PCDH9: variants seen among roughly 807,000 people sequenced by gnomAD.
The protein encoded by PCDH9 is protocadherin-9.
PCDH9 carries 24 observed loss-of-function variants against 70.6 expected under a neutral mutation model. That is an observed-to-expected ratio of 0.34 (90% CI 0.25 to 0.48). The LOEUF is 0.48. Ranked by LOEUF, PCDH9 falls within the 20% of genes least tolerant of loss-of-function variation. The pLI, the probability that PCDH9 is intolerant of heterozygous loss-of-function variation, is 0.99. For missense variants in PCDH9, 1,281 were observed against 1,503.6 expected, an observed-to-expected ratio of 0.85 and a Z score of 2.45; for synonymous variants, 562 against 558.5, an observed-to-expected ratio of 1.01 and a Z score of -0.09.
chr13:66,680,280 T>G (rs2078300512), intron 3 of PCDH9, among the ~76,000 whole-genome samples: 1 of 152,028 alleles, frequency 6.6e-6, no homozygotes, highest in African/African-American at 2.4e-5. Flanking sequence ...TTGTAATTAA[T>G]GACCATTCTA....
chr13:67,074,708 A>G (rs928391544), intron 2 of PCDH9, among the ~76,000 whole-genome samples: 1 of 152,266 alleles, frequency 6.6e-6, no homozygotes, highest in Admixed American at 6.5e-5. Flanking sequence ...AAAAATAAGA[A>G]AAAACTTTGG....
At chr13:66,599,373 A>G (rs944446671) in intron 4 of PCDH9, among the ~76,000 whole-genome samples, 2 of 151,858 alleles carry the variant, frequency 1.3e-5, no homozygotes, top group African/African-American at 4.8e-5. Flanking sequence ...TAAAATCCCT[A>G]AAGATTTAGG....
intron 4 of PCDH9, among the ~76,000 whole-genome samples, chr13:66,310,292 G>A (rs1035010896): frequency 6.6e-6 from 1 of 151,864 alleles, no homozygotes; most frequent in Non-Finnish European, 1.5e-5. Context: ...TCATCTTCTC[G>A]TTAAACACCA....
intron 2 of PCDH9, among the ~76,000 whole-genome samples, chr13:67,140,185 C>T (rs994540147): frequency 6.6e-6 from 1 of 152,044 alleles, no homozygotes; most frequent in Non-Finnish European, 1.5e-5. Flanking sequence ...ACTAAATGTA[C>T]CTCCTGGGGT....
intron 4 of PCDH9, among the ~76,000 whole-genome samples, chr13:66,594,600 C>T (rs1315722776): frequency 6.6e-6 from 1 of 151,348 alleles, no homozygotes; most frequent in Non-Finnish European, 1.5e-5. Flanking sequence ...CTACACCTGT[C>T]AACCCATCAC....
At chr13:66,450,614 G>A (rs1187370615) in intron 4 of PCDH9, among the ~76,000 whole-genome samples, 1 of 152,202 alleles carries the variant, frequency 6.6e-6, no homozygotes, top group Non-Finnish European at 1.5e-5. Context: ...GTGACCAATG[G>A]CGTTTTCAAG....
chr13:66,888,965 C>T (rs1427866141), intron 3 of PCDH9, among the ~76,000 whole-genome samples: 4 of 152,264 alleles, frequency 2.6e-5, no homozygotes, highest in African/African-American at 7.2e-5. Flanking sequence ...GTGAGATTCA[C>T]AAGCTCAATT....
At chr13:66,721,741 T>C (rs1004707708) in intron 3 of PCDH9, among the ~76,000 whole-genome samples, 5 of 152,186 alleles carry the variant, frequency 3.3e-5, no homozygotes, top group Admixed American at 3.3e-4. Flanking sequence ...AGGCCTCTCA[T>C]AGCCAATATC....
intron 2 of PCDH9, among the ~76,000 whole-genome samples, chr13:67,152,680 C>T (rs2087692942): frequency 6.6e-6 from 1 of 152,026 alleles, no homozygotes; most frequent in African/African-American, 2.4e-5. Flanking sequence ...ACAAAATAGC[C>T]CCCACTTTTT....
intron 2 of PCDH9, among the ~76,000 whole-genome samples, chr13:66,969,143 T>G (rs1034752123): frequency 3.3e-5 from 5 of 152,066 alleles, no homozygotes; most frequent in Non-Finnish European, 7.4e-5. Context: ...AAAATGAATT[T>G]TATTCGGTAC....
At chr13:66,562,105 C>T (rs923769012) in intron 4 of PCDH9, among the ~76,000 whole-genome samples, 41 of 152,090 alleles carry the variant, frequency 2.7e-4, no homozygotes, top group African/African-American at 8.2e-4. Context: ...TAACACTCAC[C>T]GCAAGGGTCC....
intron 4 of PCDH9, among the ~76,000 whole-genome samples, chr13:66,550,086 T>C (rs1002419100): frequency 6.6e-6 from 1 of 152,116 alleles, no homozygotes; most frequent in Admixed American, 6.6e-5. Context: ...CATTTTTCAG[T>C]GAAGAGCACA....
At position 67,213,206 on chromosome 13, in the gene PCDH9, C is replaced by CAAAAAAAAAAAAAAAAAA. The variant is rs34813503; in HGVS notation, c.3036+12181_3036+12198dup. The CAAAAAAAAAAAAAAAAAA allele has an allele frequency of 2.4e-3, 49 of 20,552 alleles. 11 individuals carry two copies. The highest frequency in any genetic ancestry group is 3.1e-3 in the African/African-American group (18 of 5,888). 1.3% of individuals were successfully genotyped at this position (20,552 alleles called of 1,614,324 possible). On this transcript the variant is annotated intron_variant, in intron 2 of 4. Coordinates refer to ENST00000377865, the MANE Select transcript of PCDH9 (RefSeq NM_203487.3). ...AGCCTGGACGACAGAGACTCCGTCA[C>CAAAAAAAAAAAAAAAAAA]AAAAAAAAAAAAAAAAAAAAAAAAA...
intron 2 of PCDH9, among the ~76,000 whole-genome samples, chr13:66,934,885 T>A (rs891841410): frequency 6.7e-6 from 1 of 148,658 alleles, no homozygotes; most frequent in Admixed American, 6.7e-5. Context: ...CACGCCCGGC[T>A]AATTTTTTGT....
At chr13:66,442,051 A>G (rs1431429164) in intron 4 of PCDH9, among the ~76,000 whole-genome samples, 1 of 152,178 alleles carries the variant, frequency 6.6e-6, no homozygotes, top group Non-Finnish European at 1.5e-5. Context: ...TTGTATCCAC[A>G]TCATAAGTTT....
intron 2 of PCDH9, among the ~76,000 whole-genome samples, chr13:66,987,098 T>G (rs2083907478): frequency 6.6e-6 from 1 of 152,024 alleles, no homozygotes; most frequent in Admixed American, 6.6e-5. Flanking sequence ...TTAGTTTTAC[T>G]TAAATTTATT....
At chr13:66,787,171 C>G (rs562527045) in intron 3 of PCDH9, among the ~76,000 whole-genome samples, 58 of 152,292 alleles carry the variant, frequency 3.8e-4, no homozygotes, top group African/African-American at 1.4e-3. Context: ...TGCTGTACCA[C>G]TTGGTGTGAC....
intron 4 of PCDH9, among the ~76,000 whole-genome samples, chr13:66,340,690 T>G (rs1177686510): frequency 6.6e-6 from 1 of 152,170 alleles, no homozygotes; most frequent in African/African-American, 2.4e-5. Context: ...AATCCTTACA[T>G]AAAAACTCTA....
intron 3 of PCDH9, among the ~76,000 whole-genome samples, chr13:66,770,260 T>C (rs1402506498): frequency 6.6e-6 from 1 of 152,156 alleles, no homozygotes; most frequent in Non-Finnish European, 1.5e-5. Flanking sequence ...CTGGGTACAG[T>C]GTACACTACT....
Sources: gnomAD v4.1 joint callset for allele counts (sites outside exome capture counted in the v4.1 genomes callset) on GRCh38, gnomAD v4.1.1 for gene constraint, MANE v1.5 for transcripts, NCBI Gene and HGNC (gene_info 2026-07-23, HGNC 2026-07-21) for gene names.